The following ZFHX4 variants were observed in gnomAD, a reference collection of about 807,000 sequenced individuals.
The protein encoded by ZFHX4 is zinc finger homeobox 4, also known as zinc finger homeobox protein 4.
In ZFHX4, 56 loss-of-function variants were observed where a neutral mutation model predicts 267.6. The observed-to-expected ratio is 0.21, with a 90% CI of 0.17 to 0.26. The LOEUF (loss-of-function observed/expected upper bound fraction) is 0.26, where lower values mean the gene tolerates loss of function less well. Ranked by LOEUF, ZFHX4 falls within the 10% of genes least tolerant of loss-of-function variation. The pLI, the probability that ZFHX4 is intolerant of heterozygous loss-of-function variation, is 1.00. For synonymous variants in ZFHX4, 1,778 were observed against 1,665.6 expected (o/e 1.07, Z -1.64); for missense variants, 4,332 against 4,420.0 (o/e 0.98, Z 0.56).
At chr8:76,710,918 G>GT (rs1393211317) in intron 3 of ZFHX4, among the ~76,000 whole-genome samples, 1 of 152,120 alleles carries the variant, frequency 6.6e-6, no homozygotes, top group Non-Finnish European at 1.5e-5. Flanking sequence ...ATGAAAATCT[G>GT]TTTTACAGAT....
chr8:76,774,777 A>G (rs1019111114), intron 3 of ZFHX4, among the ~76,000 whole-genome samples: 11 of 152,162 alleles, frequency 7.2e-5, no homozygotes, highest in Non-Finnish European at 1.2e-4. Flanking sequence ...GAAAAATTTA[A>G]TAAGATATTG....
chr8:76,862,992 T>C (rs569087525), intron 10 of ZFHX4, 102 bp from the exon 11 acceptor site: 4 of 1,411,146 alleles, frequency 2.8e-6, no homozygotes, highest in East Asian at 2.5e-5. Flanking sequence ...TCTTTTCTGA[T>C]ATAGCAATGT....
rs755465719 is a variant in ZFHX4 at position 76,864,010 on chromosome 8, G to A, written c.10296G>A (p.Leu3432=). 9.9e-6 allele frequency: 16 copies of A among 1,613,806 alleles called. No homozygotes were observed. Among genetic ancestry groups the A allele is most frequent in the Admixed American group, 1.7e-5 (1 of 59,984 alleles). Residue 3432 remains leucine, a synonymous_variant, in exon 11 of 11, where the codon TTG becomes TTA. Transcript: ENST00000651372. The part of the protein sequence containing the change: ...QKSFCYFGQP[L]IDPQETVLRV... ...CCTTCTGTTATTTCGGTCAGCCTTT[G>A]ATTGACCCACAAGAGACAGTGCTTC...
At chr8:76,794,794 G>A (rs1427255114) in intron 4 of ZFHX4, among the ~76,000 whole-genome samples, 4 of 152,004 alleles carry the variant, frequency 2.6e-5, no homozygotes, top group Admixed American at 2.6e-4. Flanking sequence ...ATGTGATTAT[G>A]TAACTAGCAA....
At chr8:76,849,478 C>A (rs1347722780) in intron 7 of ZFHX4, 34 bp from the exon 8 acceptor site, 1 of 1,564,226 alleles carries the variant, frequency 6.4e-7, no homozygotes, top group Non-Finnish European at 8.8e-7. Flanking sequence ...AATGCATTAA[C>A]TAATAGTGGC....
intron 3 of ZFHX4, among the ~76,000 whole-genome samples, chr8:76,730,892 C>T (rs928570408): frequency 3.9e-5 from 6 of 152,066 alleles, no homozygotes; most frequent in African/African-American, 9.7e-5. Context: ...TGTTTTACGT[C>T]CATTGTCTCA....
chr8:76,843,399 G>C (rs182962782), intron 6 of ZFHX4, among the ~76,000 whole-genome samples: 1 of 152,252 alleles, frequency 6.6e-6, no homozygotes, highest in Non-Finnish European at 1.5e-5. Context: ...TTCTAGAATA[G>C]ACAAATCCCA....
At chr8:76,701,870 C>T (rs947299681) in intron 1 of ZFHX4, among the ~76,000 whole-genome samples, 10 of 152,080 alleles carry the variant, frequency 6.6e-5, no homozygotes, top group South Asian at 2.1e-4. Flanking sequence ...AAATCACCCT[C>T]GGTTCTGGAA....
In ZFHX4 at chr8:76,865,887, T is replaced by A. The variant is rs1365551859; in HGVS notation, c.*1322T>A. On this transcript the variant is annotated 3_prime_UTR_variant, in exon 11 of 11. Transcript: ENST00000651372. The stretch of plus-strand genomic sequence containing the variant: ...ATACTTTTTTTAACCTGTTTTGTTT[T>A]ATCATATATGCATTAAAAGTATTAT... The A allele has an allele frequency of 6.6e-6, 1 of 152,612 alleles. No individual in the cohort carries two copies. 9.5% of individuals were successfully genotyped at this position (152,612 alleles called of 1,614,324 possible). A position where few individuals can be genotyped will look rare whatever the true frequency, so the allele number is the denominator to read the frequency against.
Position 76,852,320 on chromosome 8 carries a change from CACA to C in ZFHX4, c.5404_5406del (p.Gln1802del), listed in dbSNP as rs747784124. 5.1e-6 allele frequency: 8 copies of C among 1,554,956 alleles called. No homozygotes were observed. Among genetic ancestry groups the C allele is most frequent in the East Asian group, 2.4e-5 (1 of 41,068 alleles). Reference sequence around the variant, plus strand: ...CAACTCCAGATACTACAGCAACAAGCACAACAATACCAAGCCACACAGCCCCAG... The same window carrying C: ...CAACTCCAGATACTACAGCAACAAGCACAATACCAAGCCACACAGCCCCAG... On this transcript the variant is annotated inframe_deletion, in exon 10 of 11. Coordinates refer to ENST00000651372, the MANE Select transcript of ZFHX4 (RefSeq NM_024721.5).
intron 3 of ZFHX4, among the ~76,000 whole-genome samples, chr8:76,725,277 G>A (rs1420165095): frequency 6.6e-6 from 1 of 152,058 alleles, no homozygotes; most frequent in African/African-American, 2.4e-5. Context: ...ATCTGGAAAA[G>A]TTATCGTATT....
At chr8:76,752,353 A>G (rs1307503358) in intron 3 of ZFHX4, among the ~76,000 whole-genome samples, 1 of 151,618 alleles carries the variant, frequency 6.6e-6, no homozygotes, top group Non-Finnish European at 1.5e-5. Flanking sequence ...AAAACAACAC[A>G]CATATGGGCC....
At chr8:76,748,334 G>T (rs894000699) in intron 3 of ZFHX4, among the ~76,000 whole-genome samples, 2 of 152,006 alleles carry the variant, frequency 1.3e-5, no homozygotes, top group South Asian at 2.1e-4. Context: ...CTTCCACCTG[G>T]CATTTTTGTT....
intron 4 of ZFHX4, among the ~76,000 whole-genome samples, chr8:76,801,580 C>A (rs1811118683): frequency 6.6e-6 from 1 of 152,122 alleles, no homozygotes. Flanking sequence ...TCTCTTCTAA[C>A]CAAAATAGAA....
At position 76,851,822 on chromosome 8, in the gene ZFHX4, G is replaced by A; in HGVS notation, c.4901G>A (p.Gly1634Asp). The change falls in exon 10 of 11, where the codon GGT becomes GAT. Residue 1634 changes from glycine to aspartate, a missense_variant. Gly to Asp is a moderately conservative substitution (Grantham distance 94). Around this residue, in one of 7 missense-constraint regions of ZFHX4, gnomAD observed 1,371 missense variants for 1,423.1 expected, o/e 0.96. Coordinates refer to ENST00000651372, the MANE Select transcript of ZFHX4 (RefSeq NM_024721.5). ...CTGGAGCCCAGTGGTCATGTGGCTG[G>A]TGGGCACAGCATTGCAGCAAATGTC... Reference protein sequence around the residue: ...AKLEPSGHVAGGHSIAANVNS... With the variant: ...AKLEPSGHVADGHSIAANVNS... 6.2e-7 allele frequency: 1 copy of A among 1,613,956 alleles called. No individual in the cohort carries two copies. The highest frequency in any genetic ancestry group is 1.3e-5 in the African/African-American group (1 of 75,068).
intron 6 of ZFHX4, among the ~76,000 whole-genome samples, chr8:76,846,032 T>C (rs892273796): frequency 3.3e-5 from 5 of 152,146 alleles, no homozygotes; most frequent in African/African-American, 1.2e-4. Context: ...TAAGCAATCA[T>C]AAAACTTAAA....
chr8:76,755,810 A>T (rs1231984744), intron 3 of ZFHX4, among the ~76,000 whole-genome samples: 1 of 152,136 alleles, frequency 6.6e-6, no homozygotes, highest in African/African-American at 2.4e-5. Context: ...CCTTCTAGAT[A>T]GTCTAGATCT....
At chr8:76,725,380 A>T (rs368910371) in intron 3 of ZFHX4, among the ~76,000 whole-genome samples, 5 of 152,276 alleles carry the variant, frequency 3.3e-5, no homozygotes, top group African/African-American at 1.2e-4. Flanking sequence ...GCGGTTCTGT[A>T]CTGGCCACAA....
At chr8:76,696,900 A>G (rs568491792) in intron 1 of ZFHX4, among the ~76,000 whole-genome samples, 1 of 152,108 alleles carries the variant, frequency 6.6e-6, no homozygotes, top group African/African-American at 2.4e-5. Context: ...TGCACTTGGT[A>G]GTGATTTAAA....
Sources: gnomAD v4.1 joint callset for allele counts (sites outside exome capture counted in the v4.1 genomes callset) on GRCh38, gnomAD v4.1.1 for gene constraint, gnomAD v4.1.1 regional missense constraint, MANE v1.5 for transcripts, NCBI Gene and HGNC (gene_info 2026-07-23, HGNC 2026-07-21) for gene names.